TTLL6: variants seen among roughly 807,000 people sequenced by gnomAD.
TTLL6 encodes the protein tubulin tyrosine ligase like 6.
Under a neutral mutation model 96.4 loss-of-function variants are expected in TTLL6, and 75 were observed. That is an observed-to-expected ratio of 0.78 (90% CI 0.65 to 0.94). TTLL6 has a LOEUF of 0.94. Ranked by LOEUF, TTLL6 falls within the 40% of genes least tolerant of loss-of-function variation. TTLL6 has a pLI of 0.00. For synonymous variants in TTLL6, 411 were observed against 419.4 expected (o/e 0.98, Z 0.24); for missense variants, 1,030 against 1,093.0 (o/e 0.94, Z 0.81).
intron 15 of TTLL6, among the ~76,000 whole-genome samples, chr17:48,768,590 G>C (rs966208242): frequency 7.5e-5 from 11 of 147,614 alleles, no homozygotes; most frequent in African/African-American, 2.8e-4. Flanking sequence ...ATTGTTTGTA[G>C]AGACAGGGTC....
intron 1 of TTLL6, among the ~76,000 whole-genome samples, chr17:48,814,856 C>T (rs888192927): frequency 4.6e-5 from 7 of 152,144 alleles, no homozygotes; most frequent in African/African-American, 1.2e-4. Flanking sequence ...CTCAGCTCAC[C>T]GCAACCTCTG....
chr17:48,810,866 G>GTATATATATATATATATATATATATA (rs2039579731), intron 1 of TTLL6, among the ~76,000 whole-genome samples: 6 of 132,152 alleles, frequency 4.5e-5, no homozygotes, highest in East Asian at 3.1e-4. Flanking sequence ...GTATGTGTGT[G>GTATATATATATATATATATATATATA]TATATATATG....
chr17:48,764,368 T>C (rs1180856318), intron 15 of TTLL6, among the ~76,000 whole-genome samples: 2 of 152,156 alleles, frequency 1.3e-5, no homozygotes. Flanking sequence ...GAAGGAAACA[T>C]AGAGCTGTTT....
In TTLL6 at chr17:48,767,193, G is replaced by A. The variant is rs139419475; in HGVS notation, c.*1796C>T. On this transcript the variant is annotated intron_variant, in intron 15 of 15. Coordinates refer to ENST00000393382, the MANE Select transcript of TTLL6 (RefSeq NM_001130918.3). ...GCTGGGATTACAGGCATGAGCCACC[G>A]TGCCTGACCTATTACCCATATTTAA... is the stretch of plus-strand genomic sequence containing the variant. Among the ~76,000 whole-genome samples, 704 of 152,184 alleles carry A rather than the reference G, an allele frequency of 4.6e-3. 4 individuals carry two copies. The highest frequency in any genetic ancestry group is 0.016 in the African/African-American group (644 of 41,524).
At position 48,769,811 on chromosome 17, in the gene TTLL6, A is replaced by T. The variant is rs1299115773; in HGVS notation, c.2327T>A (p.Leu776Gln). ...CCCACTCAGTTGAAGCTTGGTGAGT[A>T]GCTCGGATATCAAATGTGGCTTGTT... ...DMNKPHLISE[L>Q]LTKLQLSGKL... is the part of the protein sequence containing the mutation. The change falls in exon 14 of 16, where the codon CTA becomes CAA. Residue 776 changes from leucine to glutamine, a missense_variant. Leu to Gln is a moderately radical substitution (Grantham distance 113). Transcript: ENST00000393382. 6.2e-7 allele frequency: 1 copy of T among 1,614,266 alleles called. No individual in the cohort carries two copies. The highest frequency in any genetic ancestry group is 2.2e-5 in the East Asian group (1 of 44,888).
At chr17:48,785,515 A>T (rs1394328669) in intron 12 of TTLL6, among the ~76,000 whole-genome samples, 1 of 152,184 alleles carries the variant, frequency 6.6e-6, no homozygotes, top group Non-Finnish European at 1.5e-5. Flanking sequence ...GAATAATACG[A>T]AACAAAAATC....
chr17:48,785,352 G>C, intron 12 of TTLL6, 151 bp from the exon 13 acceptor site: 1 of 1,136,902 alleles, frequency 8.8e-7, no homozygotes, highest in Non-Finnish European at 1.2e-6. Flanking sequence ...TCTCAACTTG[G>C]AATTCTGGGA....
intron 13 of TTLL6, among the ~76,000 whole-genome samples, chr17:48,783,942 G>A (rs1010594352): frequency 6.6e-6 from 1 of 152,188 alleles, no homozygotes; most frequent in African/African-American, 2.4e-5. Flanking sequence ...TGTTTAGGCT[G>A]TGCTGAGTTC....
chr17:48,783,727 A>C (rs983701786), intron 13 of TTLL6, among the ~76,000 whole-genome samples: 9 of 152,122 alleles, frequency 5.9e-5, no homozygotes, highest in Non-Finnish European at 1.0e-4. Flanking sequence ...CACTGCACTC[A>C]GCTTTTATTT....
intron 3 of TTLL6, among the ~76,000 whole-genome samples, chr17:48,801,850 G>A (rs563315564): frequency 6.6e-6 from 1 of 151,886 alleles, no homozygotes; most frequent in South Asian, 2.1e-4. Flanking sequence ...TTCAAGACCA[G>A]CCTGGCCAAC....
At position 48,768,056 on chromosome 17, in the gene TTLL6, C is replaced by A. The variant is rs113542490; in HGVS notation, c.*933G>T. 2.4e-4 allele frequency among the ~76,000 whole-genome samples: 37 copies of A among 152,244 alleles called. 1 individual carries two copies. The highest frequency in any genetic ancestry group is 8.7e-4 in the African/African-American group (36 of 41,546). The stretch of plus-strand genomic sequence containing the variant: ...GACAAGGCAAAGTGCCTAGTGGGGG[C>A]AGATCAGTTCTACCAGAAATATATT... On this transcript the variant is annotated intron_variant, in intron 15 of 15. Coordinates refer to ENST00000393382, the MANE Select transcript of TTLL6 (RefSeq NM_001130918.3).
At chr17:48,797,231 A>T (rs1234234741) in intron 6 of TTLL6, 27 bp from the exon 7 acceptor site, 7 of 1,536,520 alleles carry the variant, frequency 4.6e-6, no homozygotes, top group South Asian at 1.2e-5. Context: ...GAAGTCAGAC[A>T]TGCATTAGAG....
chr17:48,789,884 G>T, intron 10 of TTLL6, 47 bp downstream of exon 10: 1 of 1,595,274 alleles, frequency 6.3e-7, no homozygotes, highest in Non-Finnish European at 8.6e-7. Context: ...ATTGGGAGCA[G>T]GGGAGTCAGA....
rs148320781 is a variant in TTLL6 at position 48,800,037 on chromosome 17, A to C, written c.612-277T>G. 5.4e-5 allele frequency: 22 copies of C among 406,822 alleles called. No individual in the cohort carries two copies. The East Asian group carries it at 9.7e-4, about 18-fold the overall frequency. 25.2% of individuals were successfully genotyped at this position (406,822 alleles called of 1,614,324 possible). ...CTTGACCTCTCTAAACCTCAACTTC[A>C]TCATCTATACAGTGAGGATAATAAC... On this transcript the variant is annotated intron_variant, in intron 5 of 15. Transcript: ENST00000393382.
chr17:48,781,561 T>C (rs1206961451), intron 13 of TTLL6, among the ~76,000 whole-genome samples: 2 of 152,232 alleles, frequency 1.3e-5, no homozygotes, highest in Non-Finnish European at 2.9e-5. Flanking sequence ...CTAGTGATGT[T>C]GAGCATCTTT....
rs141790846 is a variant in TTLL6, at chr17:48,764,320, G to C, written c.*1-1347C>G. On this transcript the variant is annotated intron_variant, in intron 15 of 15. Coordinates refer to ENST00000393382, the MANE Select transcript of TTLL6 (RefSeq NM_001130918.3). Reference sequence around the variant, plus strand: ...GTGTCAGGGCGCCATTCCTCACATGGGTCAGGATGGGTGCCAAGTTCATGG... The same window carrying C: ...GTGTCAGGGCGCCATTCCTCACATGCGTCAGGATGGGTGCCAAGTTCATGG... 5.4e-3 allele frequency among the ~76,000 whole-genome samples: 820 copies of C among 152,296 alleles called. 10 individuals are homozygous for C. The highest frequency in any genetic ancestry group is 0.019 in the African/African-American group (785 of 41,564).
At chr17:48,763,114 C>A in intron 15 of TTLL6, 141 bp from the exon 16 acceptor site, 1 of 348,672 alleles carries the variant, frequency 2.9e-6, no homozygotes, top group South Asian at 2.3e-5. Context: ...ACCAGAAACT[C>A]ATTCTACCTA....
rs1567712633 is a variant in TTLL6, at chr17:48,766,931, GT to G, written c.*2057del. 2.1e-3 allele frequency among the ~76,000 whole-genome samples: 324 copies of G among 151,106 alleles called. 1 individual carries two copies. Among genetic ancestry groups the G allele is most frequent in the Middle Eastern group, 0.01 (3 of 290 alleles). Reference sequence around the variant, plus strand: ...TTATTACCCGTATGTTTTTGTTGTTGTTGTTTTGTTTTGTTTTGTTTTGTTT... The same window carrying G: ...TTATTACCCGTATGTTTTTGTTGTTGTGTTTTGTTTTGTTTTGTTTTGTTT... On this transcript the variant is annotated intron_variant, in intron 15 of 15. Coordinates refer to ENST00000393382, the MANE Select transcript of TTLL6 (RefSeq NM_001130918.3).
At chr17:48,811,413 T>C (rs899370520) in intron 1 of TTLL6, among the ~76,000 whole-genome samples, 9 of 151,998 alleles carry the variant, frequency 5.9e-5, no homozygotes, top group African/African-American at 1.9e-4. Flanking sequence ...ATCTCTTTTT[T>C]AGAGACATGG....
Sources: allele counts gnomAD v4.1 joint callset (sites outside exome capture counted in the v4.1 genomes callset), GRCh38; gene constraint gnomAD v4.1.1; transcripts MANE v1.5; gene names NCBI Gene and HGNC (gene_info 2026-07-23, HGNC 2026-07-21).